SPATS2L: variants seen among roughly 807,000 people sequenced by gnomAD.
SPATS2L encodes the protein spermatogenesis associated serine rich 2 like, also known as SPATS2-like protein.
Under a neutral mutation model 59.6 loss-of-function variants are expected in SPATS2L, and 30 were observed. The observed-to-expected ratio is 0.50, with a 90% CI of 0.38 to 0.68. The LOEUF is 0.68. Ranked by LOEUF, SPATS2L falls within the 30% of genes least tolerant of loss-of-function variation. The pLI is 0.00. For missense variants in SPATS2L, 615 were observed against 700.0 expected (o/e 0.88, Z 1.37); for synonymous variants, 252 against 263.5 (o/e 0.96, Z 0.42).
intron 2 of SPATS2L, among the ~76,000 whole-genome samples, chr2:200,354,445 TA>T (rs2080845253): frequency 6.6e-6 from 1 of 152,052 alleles, no homozygotes. Context: ...CCGTCTCTAC[TA>T]AAAATACAAA....
intron 3 of SPATS2L, chr2:200,390,671 T>C (rs1273271661): frequency 6.6e-6 from 1 of 152,328 alleles, no homozygotes; most frequent in Non-Finnish European, 1.5e-5. Flanking sequence ...TGATTGGTGA[T>C]GGGAGATGAA....
chr2:200,446,502 A>C (rs1245335085), intron 8 of SPATS2L, among the ~76,000 whole-genome samples: 1 of 152,190 alleles, frequency 6.6e-6, no homozygotes, highest in Non-Finnish European at 1.5e-5. Flanking sequence ...TGTCACAGCC[A>C]CAGGGAGAGA....
At chr2:200,369,107 G>C (rs1317677274) in intron 2 of SPATS2L, among the ~76,000 whole-genome samples, 1 of 131,118 alleles carries the variant, frequency 7.6e-6, no homozygotes, top group Non-Finnish European at 1.6e-5. Context: ...GAGAGTTATG[G>C]CTGCAAAGGG....
intron 1 of SPATS2L, among the ~76,000 whole-genome samples, chr2:200,322,390 T>C (rs1011580917): frequency 6.6e-6 from 1 of 152,228 alleles, no homozygotes; most frequent in African/African-American, 2.4e-5. Flanking sequence ...GTCAAAGGAA[T>C]TGTATGTTTC....
chr2:200,377,153 A>G (rs1226885173), intron 2 of SPATS2L, among the ~76,000 whole-genome samples: 1 of 152,200 alleles, frequency 6.6e-6, no homozygotes, highest in Non-Finnish European at 1.5e-5. Flanking sequence ...TTACCACGCT[A>G]TGCCGTAGTT....
chr2:200,365,873 G>C (rs537878777), intron 2 of SPATS2L, among the ~76,000 whole-genome samples: 8 of 152,232 alleles, frequency 5.3e-5, no homozygotes, highest in African/African-American at 1.7e-4. Context: ...AAAGTTCCTC[G>C]AGGCCAGGGA....
At position 200,386,309 on chromosome 2, in the gene SPATS2L, C is replaced by T. The variant is rs3769452; in HGVS notation, c.-22-2914C>T. ...TCTGAGAAAATAGCCCCATTCTACCCTCACAGCCAGCATTTTTCTTCCACA... is the reference window on the plus strand; with the variant it reads ...TCTGAGAAAATAGCCCCATTCTACCTTCACAGCCAGCATTTTTCTTCCACA... On this transcript the variant is annotated intron_variant, in intron 2 of 12. Transcript: ENST00000409140. 3.3e-3 allele frequency among the ~76,000 whole-genome samples: 505 copies of T among 152,192 alleles called. 7 individuals carry two copies. The East Asian group carries it at 0.047, about 14-fold the overall frequency.
At chr2:200,467,469 C>A in intron 10 of SPATS2L, 70 bp downstream of exon 10, 2 of 1,074,924 alleles carry the variant, frequency 1.9e-6, no homozygotes, top group South Asian at 1.3e-5. Flanking sequence ...TGTTTTGCAT[C>A]CACAGAGTTC....
intron 8 of SPATS2L, among the ~76,000 whole-genome samples, chr2:200,451,235 C>T (rs983363168): frequency 8.6e-5 from 13 of 151,322 alleles, no homozygotes; most frequent in African/African-American, 1.2e-4. Flanking sequence ...GTGGAAGGAT[C>T]GCCTGAGCCC....
At chr2:200,452,093 C>T (rs978821614) in intron 8 of SPATS2L, among the ~76,000 whole-genome samples, 37 of 152,210 alleles carry the variant, frequency 2.4e-4, no homozygotes, top group African/African-American at 8.9e-4. Flanking sequence ...CCACCACGCC[C>T]GGCAGATGTA....
chr2:200,419,877 G>A (rs77794756), intron 6 of SPATS2L, among the ~76,000 whole-genome samples: 394 of 152,140 alleles, frequency 2.6e-3, no homozygotes, highest in Non-Finnish European at 4.0e-3. Flanking sequence ...CACTTAGCCA[G>A]TCAGAGGTCT....
chr2:200,412,972 C>T (rs2082935003), intron 4 of SPATS2L, among the ~76,000 whole-genome samples: 1 of 152,140 alleles, frequency 6.6e-6, no homozygotes, highest in South Asian at 2.1e-4. Context: ...GGGAGGATGG[C>T]TTGAGCCCCT....
chr2:200,334,886 A>G (rs2080088685), intron 2 of SPATS2L, among the ~76,000 whole-genome samples: 1 of 152,214 alleles, frequency 6.6e-6, no homozygotes, highest in Non-Finnish European at 1.5e-5. Context: ...CTGTTTTGGT[A>G]CCAGTACCAT....
At chr2:200,411,425 T>C (rs1574428227) in intron 3 of SPATS2L, among the ~76,000 whole-genome samples, 1 of 152,232 alleles carries the variant, frequency 6.6e-6, no homozygotes, top group East Asian at 1.9e-4. Context: ...ATGAAAACAT[T>C]TGAAGACCGT....
intron 1 of SPATS2L, among the ~76,000 whole-genome samples, chr2:200,316,593 C>T (rs2079387375): frequency 6.6e-6 from 1 of 152,204 alleles, no homozygotes; most frequent in Admixed American, 6.5e-5. Flanking sequence ...AGCCAGGTAG[C>T]CATAACTCAG....
intron 2 of SPATS2L, among the ~76,000 whole-genome samples, chr2:200,359,162 G>A (rs1468454489): frequency 6.6e-6 from 1 of 152,116 alleles, no homozygotes; most frequent in East Asian, 1.9e-4. Context: ...TTTAAATGGT[G>A]GAATCATTTC....
At chr2:200,468,295 A>C (rs2106220006) in intron 10 of SPATS2L, among the ~76,000 whole-genome samples, 1 of 141,500 alleles carries the variant, frequency 7.1e-6, no homozygotes, top group East Asian at 2.2e-4. Context: ...ATTTACAACA[A>C]AATAGGAAGA....
At chr2:200,396,687 C>G (rs568023525) in intron 3 of SPATS2L, among the ~76,000 whole-genome samples, 1 of 152,222 alleles carries the variant, frequency 6.6e-6, no homozygotes, top group Non-Finnish European at 1.5e-5. Context: ...ATAGATAACT[C>G]GCTTCATGGG....
At chr2:200,446,690 T>C (rs1409873809) in intron 8 of SPATS2L, among the ~76,000 whole-genome samples, 1 of 152,120 alleles carries the variant, frequency 6.6e-6, no homozygotes, top group Non-Finnish European at 1.5e-5. Flanking sequence ...CTGGAGCACC[T>C]TGAGGGAAGG....
Sources: allele counts gnomAD v4.1 joint callset (sites outside exome capture counted in the v4.1 genomes callset), GRCh38; gene constraint gnomAD v4.1.1; transcripts MANE v1.5; gene names NCBI Gene and HGNC (gene_info 2026-07-23, HGNC 2026-07-21).